The following PTPRT variants were observed in gnomAD, a reference collection of about 807,000 sequenced individuals.
PTPRT encodes protein tyrosine phosphatase receptor type T.
In PTPRT, 56 loss-of-function variants were observed where a neutral mutation model predicts 176.8. The ratio of observed to expected loss-of-function variants is 0.32; its 90% CI spans 0.26 to 0.40. The LOEUF (loss-of-function observed/expected upper bound fraction) is 0.40. Among genes scored for constraint, PTPRT ranks in the 10% least tolerant of loss-of-function variants. The pLI, the probability that PTPRT is intolerant of heterozygous loss-of-function variation, is 1.00. For missense variants in PTPRT, 1,540 were observed against 1,908.2 expected, an observed-to-expected ratio of 0.81 and a Z score of 3.60; for synonymous variants, 783 against 739.0, an observed-to-expected ratio of 1.06 and a Z score of -0.96.
At chr20:42,242,710 A>C (rs1355504276) in intron 14 of PTPRT, among the ~76,000 whole-genome samples, 2 of 152,198 alleles carry the variant, frequency 1.3e-5, no homozygotes, top group Non-Finnish European at 2.9e-5. Context: ...AGAAAAACTA[A>C]AAAGCTAAGA....
intron 2 of PTPRT, among the ~76,000 whole-genome samples, chr20:42,867,417 T>C (rs940110146): frequency 3.9e-5 from 5 of 128,496 alleles, no homozygotes; most frequent in Non-Finnish European, 8.2e-5. Flanking sequence ...TTTTTTTTTT[T>C]ACTCACTTAG....
intron 1 of PTPRT, among the ~76,000 whole-genome samples, chr20:43,030,622 T>G (rs1339839082): frequency 6.6e-6 from 1 of 152,134 alleles, no homozygotes; most frequent in Non-Finnish European, 1.5e-5. Flanking sequence ...ATAATTCCAC[T>G]GGAATCAGGT....
In PTPRT at chr20:42,490,403, T is replaced by C. The variant is rs577355339; in HGVS notation, c.1154-17841A>G. Among the ~76,000 whole-genome samples, 12 of 152,210 alleles carry C rather than the reference T, an allele frequency of 7.9e-5. No homozygotes were observed. In the East Asian group the frequency reaches 2.3e-3, roughly 29 times the overall value. ...CTATTCAGGTCTTCTTTTAACTCTCTTATTAAAGTTTTCTCCATTGAGATT... is the reference window on the plus strand; with the variant it reads ...CTATTCAGGTCTTCTTTTAACTCTCCTATTAAAGTTTTCTCCATTGAGATT... On this transcript the variant is annotated intron_variant, in intron 7 of 30. Coordinates refer to ENST00000373187, the MANE Select transcript of PTPRT (RefSeq NM_007050.6).
At position 42,272,718 on chromosome 20, in the gene PTPRT, C is replaced by CGT. The variant is rs1555812289; in HGVS notation, c.2176+9770_2176+9771insAC. On this transcript the variant is annotated intron_variant, in intron 13 of 30. Coordinates refer to ENST00000373187, the MANE Select transcript of PTPRT (RefSeq NM_007050.6). ...GCGCGCATGCGTGCACACACACGTG[C>CGT]GCGCACACACACACACACACACACA... Among the ~76,000 whole-genome samples, 19 of 97,980 alleles carry CGT rather than the reference C, an allele frequency of 1.9e-4. 1 individual carries two copies. The highest frequency in any genetic ancestry group is 9.2e-4 in the African/African-American group (19 of 20,754). The allele number at this position is 97,980 out of a possible 152,430, so 64.3% of individuals were successfully genotyped here.
chr20:42,502,567 G>A lies in PTPRT; in HGVS notation c.1154-30005C>T, dbSNP rs116841841. Among the ~76,000 whole-genome samples the A allele has an allele frequency of 5.8e-3, 884 of 152,032 alleles. 2 individuals are homozygous for A. Among genetic ancestry groups the A allele is most frequent in the Non-Finnish European group, 9.6e-3 (649 of 67,922 alleles). ...CTTGCAGTTTTCACTAAAACTTCAC[G>A]TTTTTGACAACAGTTATCCATATTG... On this transcript the variant is annotated intron_variant, in intron 7 of 30. Coordinates refer to ENST00000373187, the MANE Select transcript of PTPRT (RefSeq NM_007050.6).
At chr20:42,086,757 T>TAG (rs1984001812) in intron 27 of PTPRT, among the ~76,000 whole-genome samples, 1 of 88,976 alleles carries the variant, frequency 1.1e-5, no homozygotes, top group Admixed American at 1.2e-4. Context: ...AAAAAAAATA[T>TAG]ATATATATAT....
chr20:42,732,322 A>G (rs1459251768), intron 6 of PTPRT, among the ~76,000 whole-genome samples: 4 of 152,230 alleles, frequency 2.6e-5, no homozygotes, highest in African/African-American at 9.6e-5. Context: ...GGTCTATAGT[A>G]TATGCTTGAT....
chr20:42,335,645 AT>A (rs1568785795), intron 11 of PTPRT, among the ~76,000 whole-genome samples: 1 of 152,298 alleles, frequency 6.6e-6, no homozygotes, highest in Admixed American at 6.5e-5. Flanking sequence ...AAATTTGAGA[AT>A]TTTTTTGAGG....
At chr20:42,124,327 A>G (rs1987745333) in intron 19 of PTPRT, among the ~76,000 whole-genome samples, 1 of 152,230 alleles carries the variant, frequency 6.6e-6, no homozygotes, top group Non-Finnish European at 1.5e-5. Flanking sequence ...AATGGGAAAG[A>G]GGTTTGCATC....
chr20:42,472,261 C>T lies in PTPRT; in HGVS notation c.1450+5G>A, dbSNP rs1373607811. 1.2e-6 allele frequency: 2 copies of T among 1,612,496 alleles called. No individual in the cohort carries two copies. The highest frequency in any genetic ancestry group is 1.7e-6 in the Non-Finnish European group (2 of 1,178,908). ...TTCCCATGTAAGCTCTCCTCCCTTG[C>T]TCACCGTCTTCCTCAGTCTGCACCA... On this transcript the variant is annotated splice_donor_5th_base_variant and intron_variant, in intron 8 of 30. Coordinates refer to ENST00000373187, the MANE Select transcript of PTPRT (RefSeq NM_007050.6).
At chr20:42,489,714 C>G (rs1217354822) in intron 7 of PTPRT, among the ~76,000 whole-genome samples, 1 of 152,178 alleles carries the variant, frequency 6.6e-6, no homozygotes, top group South Asian at 2.1e-4. Context: ...GCTACAACTG[C>G]ATATCAAATC....
intron 29 of PTPRT, among the ~76,000 whole-genome samples, 181 bp downstream of exon 29, chr20:42,084,501 G>A (rs1983671960): frequency 6.6e-6 from 1 of 152,206 alleles, no homozygotes; most frequent in Non-Finnish European, 1.5e-5. Flanking sequence ...CAACAAACTG[G>A]CAGCCCCGTT....
At chr20:42,174,402 G>T (rs1022116908) in intron 16 of PTPRT, among the ~76,000 whole-genome samples, 1 of 152,012 alleles carries the variant, frequency 6.6e-6, no homozygotes, top group African/African-American at 2.4e-5. Context: ...GATTGAGGCA[G>T]CAAGCACAAG....
At chr20:42,290,518 C>T (rs936726393) in intron 12 of PTPRT, among the ~76,000 whole-genome samples, 1 of 152,064 alleles carries the variant, frequency 6.6e-6, no homozygotes, top group Non-Finnish European at 1.5e-5. Context: ...ATAGGCAGGC[C>T]ACTCTACCAA....
intron 1 of PTPRT, among the ~76,000 whole-genome samples, chr20:43,115,689 T>G (rs1477106523): frequency 6.6e-6 from 1 of 152,118 alleles, no homozygotes; most frequent in Non-Finnish European, 1.5e-5. Context: ...TCAATTCAAT[T>G]ACCAATTTCA....
Position 43,082,255 on chromosome 20 carries a change from G to T in PTPRT, c.88+107391C>A, listed in dbSNP as rs113023765. Among the ~76,000 whole-genome samples the T allele has an allele frequency of 6.4e-3, 974 of 151,912 alleles. 10 individuals carry two copies. The highest frequency in any genetic ancestry group is 0.022 in the African/African-American group (908 of 41,380). On this transcript the variant is annotated intron_variant, in intron 1 of 30. Transcript: ENST00000373187. ...TATTCTGTAACCACTGATACTGCAGGTTTGATTTCCTCACCCTATTTTGTG... is the reference window on the plus strand; with the variant it reads ...TATTCTGTAACCACTGATACTGCAGTTTTGATTTCCTCACCCTATTTTGTG...
chr20:42,803,359 A>C (rs781034463), intron 2 of PTPRT, among the ~76,000 whole-genome samples: 1 of 152,222 alleles, frequency 6.6e-6, no homozygotes, highest in Non-Finnish European at 1.5e-5. Flanking sequence ...CACCCACTCA[A>C]GTTTGAGAAC....
At chr20:42,600,316 T>C (rs2073754893) in intron 7 of PTPRT, among the ~76,000 whole-genome samples, 1 of 152,242 alleles carries the variant, frequency 6.6e-6, no homozygotes, top group East Asian at 1.9e-4. Context: ...ATTTTTGTAT[T>C]TTTAGTAGAG....
chr20:42,366,763 C>T (rs550259373), intron 9 of PTPRT, among the ~76,000 whole-genome samples: 6 of 109,836 alleles, frequency 5.5e-5, no homozygotes, highest in East Asian at 2.3e-4. Context: ...AGTGGCTACA[C>T]GGCACATGTG....
Sources: allele counts gnomAD v4.1 joint callset (sites outside exome capture counted in the v4.1 genomes callset), GRCh38; gene constraint gnomAD v4.1.1; transcripts MANE v1.5; gene names NCBI Gene and HGNC (gene_info 2026-07-23, HGNC 2026-07-21).